The following UBR2 variants were observed in gnomAD, a reference collection of about 807,000 sequenced individuals.
The protein encoded by UBR2 is ubiquitin protein ligase E3 component n-recognin 2, also known as E3 ubiquitin-protein ligase UBR2.
A neutral mutation model predicts 247.9 loss-of-function variants in UBR2; 92 were observed. The observed-to-expected ratio is 0.37, with a 90% CI of 0.31 to 0.44. The LOEUF (loss-of-function observed/expected upper bound fraction) is 0.44, where lower values mean the gene tolerates loss of function less well. UBR2 is among the 20% of genes least tolerant of loss of function. The pLI, the probability that UBR2 is intolerant of heterozygous loss-of-function variation, is 1.00. For missense variants in UBR2, 1,613 were observed against 2,112.6 expected (o/e 0.76, Z 4.64); for synonymous variants, 672 against 693.5 (o/e 0.97, Z 0.49).
intron 22 of UBR2, 61 bp from the exon 23 acceptor site, chr6:42,650,223 T>G (rs3763234): frequency 0.28 from 374,860 of 1,348,588 alleles, 54,389 homozygotes; most frequent in East Asian, 0.45. Context: ...TATCCAAGAC[T>G]ATCTCTCATA....
Position 42,688,216 on chromosome 6 carries a change from G to C in UBR2, c.4854G>C (p.Ser1618=), listed in dbSNP as rs1799554861. 6.2e-7 allele frequency: 1 copy of C among 1,614,004 alleles called. No homozygotes were observed. The highest frequency in any genetic ancestry group is 1.3e-5 in the African/African-American group (1 of 74,892). The change falls in exon 45 of 47, where the codon TCG becomes TCC. Residue 1618 remains serine (S), a splice_region_variant and synonymous_variant. Coordinates refer to ENST00000372901, the MANE Select transcript of UBR2 (RefSeq NM_001363705.2). ...SSLINQASNF[S]CPKSGGDKSR... ...CTTGTGGGTTTTTTATCCCTTGGAG[G>C]TGCCCGAAATCAGGTGGTGATAAGA...
At chr6:42,619,515 A>C (rs1366594006) in intron 11 of UBR2, 1 of 221,520 alleles carries the variant, frequency 4.5e-6, no homozygotes, top group Non-Finnish European at 8.2e-6. Context: ...AATCCTAGCC[A>C]AGGCAGGTGG....
In UBR2 at chr6:42,592,027, T is replaced by G. The variant is rs922450570; in HGVS notation, c.339-124T>G. 7.4e-6 allele frequency: 7 copies of G among 945,596 alleles called. No individual in the cohort carries two copies. The African/African-American group carries it at 1.2e-4, about 16-fold the overall frequency. 58.6% of individuals were successfully genotyped at this position (945,596 alleles called of 1,614,324 possible). ...CAGATCTTTGGGAATGATACTTCCT[T>G]TTTTAAAACACCAAAAAACTTCACG... is the stretch of plus-strand genomic sequence containing the variant. On this transcript the variant is annotated intron_variant, in intron 2 of 46. Coordinates refer to ENST00000372901, the MANE Select transcript of UBR2 (RefSeq NM_001363705.2).
Position 42,573,853 on chromosome 6 carries a change from G to A in UBR2, c.198G>A (p.Gln66=), listed in dbSNP as rs1791325462. The change falls in exon 2 of 47, where the codon CAG becomes CAA. Residue 66 remains glutamine, a synonymous_variant. Coordinates refer to ENST00000372901, the MANE Select transcript of UBR2 (RefSeq NM_001363705.2). ...CACAGAAAGAAGACATGCTGGCACA[G>A]CATGTTTTGTTGGGACCAATGGAAT... ...PFPQKEDMLA[Q]HVLLGPMEWY... is the part of the protein sequence containing the mutation. 6.2e-7 allele frequency: 1 copy of A among 1,613,912 alleles called. No individual in the cohort carries two copies. The highest frequency in any genetic ancestry group is 1.3e-5 in the African/African-American group (1 of 74,924).
intron 3 of UBR2, among the ~76,000 whole-genome samples, chr6:42,593,067 G>C (rs62414611): frequency 6.6e-6 from 1 of 151,966 alleles, no homozygotes; most frequent in African/African-American, 2.4e-5. Context: ...CCAGCTGCTC[G>C]GGAGGCTGAG....
chr6:42,686,009 G>A (rs76325885), intron 44 of UBR2, among the ~76,000 whole-genome samples: 2,616 of 151,988 alleles, frequency 0.017, 60 homozygotes, highest in African/African-American at 0.058. Context: ...GGAATATTAA[G>A]CATTCCATTC....
chr6:42,636,783 G>C (rs1359776255), intron 14 of UBR2, among the ~76,000 whole-genome samples: 1 of 152,020 alleles, frequency 6.6e-6, no homozygotes, highest in Non-Finnish European at 1.5e-5. Flanking sequence ...GGGGAATGGG[G>C]GAAAGGAGGG....
intron 13 of UBR2, among the ~76,000 whole-genome samples, chr6:42,633,865 G>C (rs558374076): frequency 3.5e-4 from 53 of 151,654 alleles, no homozygotes; most frequent in Non-Finnish European, 6.8e-4. Context: ...TGAGTAGCTG[G>C]GATTACAGGC....
intron 2 of UBR2, among the ~76,000 whole-genome samples, chr6:42,589,609 C>T (rs186227522): frequency 6.6e-6 from 1 of 152,278 alleles, no homozygotes; most frequent in African/African-American, 2.4e-5. Flanking sequence ...TGATAGAATT[C>T]ACCAGTGAAC....
intron 1 of UBR2, among the ~76,000 whole-genome samples, chr6:42,570,624 G>T (rs555634149): frequency 6.6e-6 from 1 of 152,192 alleles, no homozygotes; most frequent in South Asian, 2.1e-4. Flanking sequence ...GTAATAAAGA[G>T]TGAAATACTT....
In UBR2 at chr6:42,573,949, T is replaced by C; in HGVS notation, c.294T>C (p.Leu98=). ...AGCAAGCAAACAAACCTTCTCATCT[T>C]TGTGGTCGTGTTTTTAAAGTAGGAG... is the stretch of plus-strand genomic sequence containing the variant. ...KLEQANKPSH[L]CGRVFKVGEP... is the part of the protein sequence containing the mutation. Residue 98 remains leucine, a synonymous_variant, in exon 2 of 47, where the codon CTT becomes CTC. Coordinates refer to ENST00000372901, the MANE Select transcript of UBR2 (RefSeq NM_001363705.2). 2 of 1,612,742 alleles carry C rather than the reference T, an allele frequency of 1.2e-6. No homozygotes were observed. Among genetic ancestry groups the C allele is most frequent in the Non-Finnish European group, 1.7e-6 (2 of 1,179,518 alleles).
At chr6:42,606,015 C>T (rs1044264033) in intron 6 of UBR2, among the ~76,000 whole-genome samples, 156 bp downstream of exon 6, 24 of 152,062 alleles carry the variant, frequency 1.6e-4, no homozygotes, top group African/African-American at 5.3e-4. Flanking sequence ...GAGGCCAAGG[C>T]AGGCAGATCA....
chr6:42,686,933 G>A (rs576335807), intron 44 of UBR2, among the ~76,000 whole-genome samples: 26 of 150,896 alleles, frequency 1.7e-4, no homozygotes, highest in African/African-American at 4.9e-4. Flanking sequence ...ACGGGGCGGC[G>A]GGGCAGAGGC....
intron 44 of UBR2, among the ~76,000 whole-genome samples, chr6:42,687,660 C>T (rs1173101753): frequency 6.6e-5 from 10 of 152,102 alleles, no homozygotes; most frequent in Non-Finnish European, 4.4e-5. Context: ...CCAGTCTCAG[C>T]CTCCAAAGTA....
chr6:42,568,308 C>T (rs1790902671), intron 1 of UBR2, among the ~76,000 whole-genome samples: 1 of 152,182 alleles, frequency 6.6e-6, no homozygotes, highest in African/African-American at 2.4e-5. Context: ...CACCTAAACT[C>T]CTGAGGTCTA....
At position 42,659,942 on chromosome 6, in the gene UBR2, A is replaced by G; in HGVS notation, c.3442+87A>G. ...TGATACGTTGAGATTTTTTAAACCTAAAAATAACTCCATGGACTTGGATGG... is the reference window on the plus strand; with the variant it reads ...TGATACGTTGAGATTTTTTAAACCTGAAAATAACTCCATGGACTTGGATGG... On this transcript the variant is annotated intron_variant, in intron 30 of 46. Transcript: ENST00000372901. This position sits in a 1 kb window ranked among gnomAD's most constrained non-coding sequence, Gnocchi z 4.3. 7.7e-7 allele frequency: 1 copy of G among 1,303,416 alleles called. No homozygotes were observed. Among genetic ancestry groups the G allele is most frequent in the Non-Finnish European group, 1.1e-6 (1 of 927,834 alleles). The allele number at this position is 1,303,416 out of a possible 1,614,324, so 80.7% of individuals were successfully genotyped here. A position where few individuals can be genotyped will look rare whatever the true frequency, so the allele number is the denominator to read the frequency against.
rs746991233 is a variant in UBR2 at position 42,615,987 on chromosome 6, A to G, written c.1094-15A>G. 3.9e-6 allele frequency: 6 copies of G among 1,558,348 alleles called. No homozygotes were observed. The highest frequency in any genetic ancestry group is 5.2e-6 in the Non-Finnish European group (6 of 1,153,582). On this transcript the variant is annotated splice_polypyrimidine_tract_variant and intron_variant, in intron 9 of 46. Transcript: ENST00000372901. The stretch of plus-strand genomic sequence containing the variant: ...GGGCGTGTCCTTATCTTATACCGTG[A>G]TCTTTTTCTACAAGGTGCTAGGAGT...
At chr6:42,683,164 A>G in intron 43 of UBR2, 53 bp downstream of exon 43, 1 of 1,460,064 alleles carries the variant, frequency 6.8e-7, no homozygotes, top group South Asian at 1.2e-5. Flanking sequence ...GGGTGGAATC[A>G]GGATATAAGT....
At chr6:42,663,082 C>CTT (rs1261791998) in intron 31 of UBR2, among the ~76,000 whole-genome samples, 176 bp from the exon 32 acceptor site, 5 of 151,658 alleles carry the variant, frequency 3.3e-5, no homozygotes, top group Non-Finnish European at 5.9e-5. Flanking sequence ...TCTTTTAGAA[C>CTT]TTTTAATCCA....
Sources: gnomAD v4.1 joint callset for allele counts (sites outside exome capture counted in the v4.1 genomes callset) on GRCh38, gnomAD v4.1.1 for gene constraint, Gnocchi (gnomAD v3.1) non-coding constraint, MANE v1.5 for transcripts, NCBI Gene and HGNC (gene_info 2026-07-23, HGNC 2026-07-21) for gene names.